The following CAPN12 variants were observed in gnomAD, a reference collection of about 807,000 sequenced individuals.
CAPN12 encodes calpain-12.
A neutral mutation model predicts 95.0 loss-of-function variants in CAPN12; 107 were observed. The observed-to-expected ratio is 1.13, with a 90% CI of 0.96 to 1.32. CAPN12 has a LOEUF of 1.32. Ranked by LOEUF, CAPN12 falls within the 40% of genes most tolerant of loss-of-function variation. The pLI is 0.00. For missense variants in CAPN12, 1,136 were observed against 997.8 expected (o/e 1.14, Z -1.87); for synonymous variants, 505 against 415.5 (o/e 1.22, Z -2.62).
chr19:38,736,857 C>CTCCCTCTCAT (rs1970214177), intron 10 of CAPN12: 1 of 589,234 alleles, frequency 1.7e-6, no homozygotes. Context: ...CCCTGAGCCC[C>CTCCCTCTCAT]TCCCTCTCAT....
chr19:38,733,689 GACCCTGTCCAC>G lies in CAPN12; in HGVS notation c.1957+3_1957+13del, dbSNP rs774758319. On this transcript the variant is annotated splice_donor_5th_base_variant and intron_variant, in intron 18 of 20. Transcript: ENST00000328867. ...GGTCCTGTCCCCACGACCACCCCAG[GACCCTGTCCAC>G]ACCTGCTGCATTCAGTGCCAGCCTC... 19 of 1,612,284 alleles carry G rather than the reference GACCCTGTCCAC, an allele frequency of 1.2e-5. No individual in the cohort carries two copies. The South Asian group carries it at 2.1e-4, about 18-fold the overall frequency.
In CAPN12 at chr19:38,741,759, T is replaced by A. The variant is rs1203784534; in HGVS notation, c.560+18A>T. ...GTGGGGACTTAGGGCTGCAGCTGGT[T>A]GGAACTGGGGTCCTCACTTGGCGTA... On this transcript the variant is annotated intron_variant, in intron 4 of 20. Coordinates refer to ENST00000328867, the MANE Select transcript of CAPN12 (RefSeq NM_144691.4). 4 of 1,613,208 alleles carry A rather than the reference T, an allele frequency of 2.5e-6. No homozygotes were observed. The highest frequency in any genetic ancestry group is 3.4e-6 in the Non-Finnish European group (4 of 1,179,552).
Position 38,730,995 on chromosome 19 carries a change from AC to A in CAPN12, c.2102del (p.Gly701ValfsTer7). The A allele has an allele frequency of 6.4e-7, 1 of 1,551,312 alleles. No individual in the cohort carries two copies. Among genetic ancestry groups the A allele is most frequent in the East Asian group, 2.4e-5 (1 of 40,986 alleles). ...TGTGGGTCAGGCAGATGACCCCCTCACCCCCATCCAGGTGCTGGCTGCAGTG... is the reference window on the plus strand; with the variant it reads ...TGTGGGTCAGGCAGATGACCCCCTCACCCCATCCAGGTGCTGGCTGCAGTG... ...FCHCSQHLDG[G>X]EGVICLTHRQ... On this transcript the variant is annotated frameshift_variant, in exon 20 of 21. Coordinates refer to ENST00000328867, the MANE Select transcript of CAPN12 (RefSeq NM_144691.4). LOFTEE classifies it high-confidence loss of function.
In CAPN12 at chr19:38,730,681, G is replaced by T. The variant is rs1488523143; in HGVS notation, c.*171C>A. On this transcript the variant is annotated 3_prime_UTR_variant, in exon 21 of 21. Transcript: ENST00000328867. The stretch of plus-strand genomic sequence containing the variant: ...GGGCTGTCGCTGTTCTTGTTTCTGA[G>T]TGAGGAGTACGCAGGCCAGAGTGGT... 1 of 715,816 alleles carries T rather than the reference G, an allele frequency of 1.4e-6. No homozygotes were observed. The highest frequency in any genetic ancestry group is 2.7e-5 in the East Asian group (1 of 37,008). The allele number at this position is 715,816 out of a possible 1,614,324, so 44.3% of individuals were successfully genotyped here.
At position 38,742,528 on chromosome 19, in the gene CAPN12, C is replaced by A. The variant is rs770668315; in HGVS notation, c.308G>T (p.Gly103Val). ...GGCAGCTGCAAGGAACCAGCAGTTACCTGGGAGGAGAGGCCAGGATTAGGT... is the reference window on the plus strand; with the variant it reads ...GGCAGCTGCAAGGAACCAGCAGTTAACTGGGAGGAGAGGCCAGGATTAGGT... ...SRTDVCQGSL[G>V]NCWFLAAAAS... Residue 103 changes from glycine (G) to valine (V), a missense_variant and splice_region_variant, in exon 3 of 21, where the codon GGT (glycine) becomes GTT (valine). By Grantham distance (109) the Gly-to-Val change is moderately radical (BLOSUM62 -3). Coordinates refer to ENST00000328867, the MANE Select transcript of CAPN12 (RefSeq NM_144691.4). The A allele has an allele frequency of 6.2e-7, 1 of 1,605,926 alleles. No individual in the cohort carries two copies. The highest frequency in any genetic ancestry group is 8.5e-7 in the Non-Finnish European group (1 of 1,174,732).
Position 38,730,746 on chromosome 19 carries a change from G to T in CAPN12, c.*106C>A. On this transcript the variant is annotated 3_prime_UTR_variant, in exon 21 of 21. Transcript: ENST00000328867. ...CAGTGAGGGCCAGAGACTAGCCCCAGACAGGTGGATGCCAGAGAGAGTGGC... is the reference window on the plus strand; with the variant it reads ...CAGTGAGGGCCAGAGACTAGCCCCATACAGGTGGATGCCAGAGAGAGTGGC... The T allele has an allele frequency of 7.1e-7, 1 of 1,404,396 alleles. No individual in the cohort carries two copies. The highest frequency in any genetic ancestry group is 9.8e-7 in the Non-Finnish European group (1 of 1,021,912). The allele number at this position is 1,404,396 out of a possible 1,614,324, so 87.0% of individuals were successfully genotyped here. A position where few individuals can be genotyped will look rare whatever the true frequency, so the allele number is the denominator to read the frequency against.
rs201193796 is a variant in CAPN12 at position 38,744,135 on chromosome 19, G to A, written c.31C>T (p.Gln11Ter). 3.7e-6 allele frequency: 6 copies of A among 1,614,118 alleles called. No homozygotes were observed. The highest frequency in any genetic ancestry group is 5.1e-6 in the Non-Finnish European group (6 of 1,180,048). Reference protein sequence around the residue: MASSSGRVTIQLVDEEAGVGA... With the variant: MASSSGRVTI ...ACCCCAGCCTCCTCATCCACGAGCT[G>A]GATGGTGACCCTCCCACTGCTGGAT... Residue 11 changes from glutamine to a stop codon, truncating the protein, a stop_gained, in exon 1 of 21, where the codon CAG becomes TAG. Coordinates refer to ENST00000328867, the MANE Select transcript of CAPN12 (RefSeq NM_144691.4). LOFTEE classifies it high-confidence loss of function.
At chr19:38,743,370 C>CG (rs1293352848) in intron 1 of CAPN12, among the ~76,000 whole-genome samples, 42 of 123,010 alleles carry the variant, frequency 3.4e-4, no homozygotes, top group East Asian at 8.2e-4. Flanking sequence ...AGTCCAGGCC[C>CG]AGCCCCTCCT....
At position 38,734,393 on chromosome 19, in the gene CAPN12, C is replaced by T; in HGVS notation, c.1745-4G>A. 1 of 1,579,548 alleles carries T rather than the reference C, an allele frequency of 6.3e-7. No homozygotes were observed. The highest frequency in any genetic ancestry group is 8.6e-7 in the Non-Finnish European group (1 of 1,164,386). On this transcript the variant is annotated splice_region_variant and splice_polypyrimidine_tract_variant and intron_variant, in intron 15 of 20. Coordinates refer to ENST00000328867, the MANE Select transcript of CAPN12 (RefSeq NM_144691.4). ...GGGGTGGAGGTATGGGCCCTGGCTA[C>T]AGGAAAAACAAAGTCAAACCACAGC...
intron 14 of CAPN12, 102 bp from the exon 15 acceptor site, chr19:38,734,972 C>A: frequency 8.9e-7 from 1 of 1,121,174 alleles, no homozygotes; most frequent in Non-Finnish European, 1.3e-6. Flanking sequence ...GCCTCAGAGC[C>A]CTAGCTCCAG....
chr19:38,736,160 G>C lies in CAPN12; in HGVS notation c.1533C>G (p.Asp511Glu), dbSNP rs1427680211. ...LVVPSTAHAG[D>E]EADFTLRVFS... ...AGACACGCAGAGTGAAGTCAGCCTCGTCGCCGGCGTGGGCGGTGCTCGGCA... is the reference window on the plus strand; with the variant it reads ...AGACACGCAGAGTGAAGTCAGCCTCCTCGCCGGCGTGGGCGGTGCTCGGCA... Residue 511 changes from aspartate to glutamate, a missense_variant, in exon 12 of 21, where the codon GAC becomes GAG. Physicochemically the swap from Asp to Glu is conservative, Grantham distance 45. Transcript: ENST00000328867. The C allele has an allele frequency of 7.3e-6, 11 of 1,514,162 alleles. No homozygotes were observed. The highest frequency in any genetic ancestry group is 2.7e-5 in the East Asian group (1 of 37,070). The allele number at this position is 1,514,162 out of a possible 1,614,324, so 93.8% of individuals were successfully genotyped here. A position where few individuals can be genotyped will look rare whatever the true frequency, so the allele number is the denominator to read the frequency against.
At chr19:38,738,895 G>T in intron 5 of CAPN12, 1 of 546,964 alleles carries the variant, frequency 1.8e-6, no homozygotes, top group Non-Finnish European at 3.3e-6. Flanking sequence ...ACTTAGGGAG[G>T]TCGAGGTGGA....
chr19:38,738,541 T>C, intron 6 of CAPN12, 33 bp downstream of exon 6: 1 of 1,613,826 alleles, frequency 6.2e-7, no homozygotes, highest in Non-Finnish European at 8.5e-7. Flanking sequence ...TGCCTGGACA[T>C]GGCCTGCCAC....
At chr19:38,732,530 G>A (rs1356215402) in intron 18 of CAPN12, among the ~76,000 whole-genome samples, 3 of 152,014 alleles carry the variant, frequency 2.0e-5, no homozygotes, top group Non-Finnish European at 2.9e-5. Context: ...CGGGGGTTCC[G>A]CCATGTTGCC....
At chr19:38,731,779 A>T (rs553205255) in intron 18 of CAPN12, among the ~76,000 whole-genome samples, 2 of 152,232 alleles carry the variant, frequency 1.3e-5, no homozygotes, top group Non-Finnish European at 2.9e-5. Context: ...GTACCGTTTC[A>T]TGGGCTTCTG....
chr19:38,741,665 C>A, intron 4 of CAPN12, 112 bp downstream of exon 4: 1 of 1,355,232 alleles, frequency 7.4e-7, no homozygotes, highest in Non-Finnish European at 9.9e-7. Flanking sequence ...GTTTGGGATT[C>A]TTGGTGGGGT....
intron 4 of CAPN12, 55 bp from the exon 5 acceptor site, chr19:38,740,274 C>T (rs1245171219): frequency 5.4e-6 from 8 of 1,490,762 alleles, no homozygotes; most frequent in Non-Finnish European, 7.2e-6. Context: ...TCTCAGGCAC[C>T]CCTGCCCTGG....
chr19:38,734,141 C>A lies in CAPN12; in HGVS notation c.1878+1G>T, dbSNP rs769708753. Reference sequence around the variant, plus strand: ...GGAAGAGGCCCAGTCTCCCACCTCACCTGCCACTCCAGGAGGTAGCCCCAG... The same window carrying A: ...GGAAGAGGCCCAGTCTCCCACCTCAACTGCCACTCCAGGAGGTAGCCCCAG... On this transcript the variant is annotated splice_donor_variant, in intron 17 of 20. Transcript: ENST00000328867. LOFTEE classifies it high-confidence loss of function. The A allele has an allele frequency of 1.9e-6, 3 of 1,612,714 alleles. No homozygotes were observed. The highest frequency in any genetic ancestry group is 2.5e-6 in the Non-Finnish European group (3 of 1,179,794).
chr19:38,744,455 GCAC>G lies in CAPN12; in HGVS notation c.-293_-291del. 1 of 506,014 alleles carries G rather than the reference GCAC, an allele frequency of 2.0e-6. No individual in the cohort carries two copies. Among genetic ancestry groups the G allele is most frequent in the South Asian group, 2.1e-5 (1 of 47,358 alleles). The allele number at this position is 506,014 out of a possible 1,614,324, so 31.3% of individuals were successfully genotyped here. On this transcript the variant is annotated 5_prime_UTR_variant, in exon 1 of 21. Coordinates refer to ENST00000328867, the MANE Select transcript of CAPN12 (RefSeq NM_144691.4). Reference sequence around the variant, plus strand: ...GGGAGGACCGGCTGCCGCTGTCAGAGCACCAAGAAGGAGGTCAGTGTGGGGGTG... The same window carrying G: ...GGGAGGACCGGCTGCCGCTGTCAGAGCAAGAAGGAGGTCAGTGTGGGGGTG...
Sources: gnomAD v4.1 joint callset for allele counts (sites outside exome capture counted in the v4.1 genomes callset) on GRCh38, gnomAD v4.1.1 for gene constraint, MANE v1.5 for transcripts, NCBI Gene and HGNC (gene_info 2026-07-23, HGNC 2026-07-21) for gene names.